PSEN1: variants seen among roughly 807,000 people sequenced by gnomAD.
PSEN1 encodes presenilin-1.
PSEN1 carries 15 observed loss-of-function variants against 53.5 expected under a neutral mutation model. The observed-to-expected ratio is 0.28, with a 90% CI of 0.19 to 0.43. PSEN1 has a LOEUF of 0.43. Ranked by LOEUF, PSEN1 falls within the 20% of genes least tolerant of loss-of-function variation. The pLI is 1.00. For missense variants in PSEN1, 387 were observed against 571.2 expected, an observed-to-expected ratio of 0.68 and a Z score of 3.29; for synonymous variants, 208 against 209.8, an observed-to-expected ratio of 0.99 and a Z score of 0.08.
At chr14:73,138,830 G>A (rs1896827212) in intron 1 of PSEN1, among the ~76,000 whole-genome samples, 1 of 151,202 alleles carries the variant, frequency 6.6e-6, no homozygotes, top group Non-Finnish European at 1.5e-5. Context: ...AGCCGGGCGT[G>A]ATGGCGGGCG....
intron 10 of PSEN1, among the ~76,000 whole-genome samples, chr14:73,215,780 G>T (rs550275535): frequency 6.6e-6 from 1 of 152,180 alleles, no homozygotes; most frequent in African/African-American, 2.4e-5. Flanking sequence ...TGGCTAGAAT[G>T]AAAAAGGCTA....
chr14:73,199,340 A>G (rs1899083382), intron 8 of PSEN1, among the ~76,000 whole-genome samples: 1 of 152,222 alleles, frequency 6.6e-6, no homozygotes, highest in South Asian at 2.1e-4. Flanking sequence ...TTTGTCAACT[A>G]CTGTGTTTAG....
Position 73,186,889 on chromosome 14 carries a change from T to C in PSEN1, c.517T>C (p.Leu173=). Residue 173 remains leucine, a synonymous_variant, in exon 6 of 12, where the codon TTG becomes CTG. Coordinates refer to ENST00000324501, the MANE Select transcript of PSEN1 (RefSeq NM_000021.4). ...CTGGCTTATTATATCATCTCTATTG[T>C]TGCTGTTCTTTTTTTCATTCATTTA... ...HAWLIISSLL[L]LFFFSFIYLG... is the part of the protein sequence containing the mutation. 6.2e-7 allele frequency: 1 copy of C among 1,613,916 alleles called. No homozygotes were observed. The highest frequency in any genetic ancestry group is 8.5e-7 in the Non-Finnish European group (1 of 1,179,784).
chr14:73,212,174 G>A (rs189788376), intron 10 of PSEN1, among the ~76,000 whole-genome samples: 5 of 125,104 alleles, frequency 4.0e-5, no homozygotes, highest in Middle Eastern at 6.2e-3. Context: ...GCAATGGTGC[G>A]ATCTTGGCTC....
At chr14:73,156,177 A>T (rs573808461) in intron 3 of PSEN1, among the ~76,000 whole-genome samples, 54 of 148,256 alleles carry the variant, frequency 3.6e-4, no homozygotes, top group African/African-American at 1.3e-3. Context: ...TCTATGAAAT[A>T]AAAAAAAAAG....
intron 4 of PSEN1, among the ~76,000 whole-genome samples, chr14:73,173,310 C>T (rs1425283731): frequency 6.6e-6 from 1 of 152,020 alleles, no homozygotes; most frequent in Admixed American, 6.6e-5. Flanking sequence ...TATAAAGCAC[C>T]CACTAGATGG....
At chr14:73,145,867 G>A (rs1410171696) in intron 1 of PSEN1, among the ~76,000 whole-genome samples, 3 of 152,060 alleles carry the variant, frequency 2.0e-5, no homozygotes, top group African/African-American at 7.2e-5. Flanking sequence ...AGCACTTTGG[G>A]AGGCTGAGGT....
intron 3 of PSEN1, among the ~76,000 whole-genome samples, chr14:73,157,127 C>T (rs886906462): frequency 8.4e-5 from 12 of 142,422 alleles, no homozygotes; most frequent in South Asian, 2.2e-4. Context: ...AGAAAGATAC[C>T]TTTTTTTTTT....
chr14:73,170,684 C>G, intron 3 of PSEN1, 113 bp from the exon 4 acceptor site: 1 of 1,146,962 alleles, frequency 8.7e-7, no homozygotes, highest in Non-Finnish European at 1.3e-6. Flanking sequence ...TTTTTTCTTG[C>G]TTCAGGTTTT....
rs777923890 is a variant in PSEN1, at chr14:73,173,727, C to A, written c.480+20C>A. On this transcript the variant is annotated intron_variant, in intron 5 of 11. Transcript: ENST00000324501. ...TATAAGGTGAGCATGAGACACAGATCTTTGCTTTCCACCCTGTTCTTCTTA... is the reference window on the plus strand; with the variant it reads ...TATAAGGTGAGCATGAGACACAGATATTTGCTTTCCACCCTGTTCTTCTTA... 3 of 1,613,190 alleles carry A rather than the reference C, an allele frequency of 1.9e-6. No individual in the cohort carries two copies. The highest frequency in any genetic ancestry group is 3.3e-5 in the Admixed American group (2 of 60,024).
intron 1 of PSEN1, among the ~76,000 whole-genome samples, chr14:73,140,305 G>A (rs1225610531): frequency 2.0e-5 from 3 of 146,882 alleles, no homozygotes; most frequent in African/African-American, 7.5e-5. Flanking sequence ...CCGCCTCCCA[G>A]GTTCAAGTGA....
rs199803714 is a variant in PSEN1, at chr14:73,219,271, C to T, written c.1386C>T (p.Phe462=). 40 of 1,613,462 alleles carry T rather than the reference C, an allele frequency of 2.5e-5. No individual in the cohort carries two copies. Among genetic ancestry groups the T allele is most frequent in the Non-Finnish European group, 2.5e-6 (3 of 1,179,602 alleles). The change falls in exon 12 of 12, where the codon TTC becomes TTT. Residue 462 remains phenylalanine, a synonymous_variant. Transcript: ENST00000324501. ...LVQPFMDQLA[F]HQFYI ...AGCCTTTTATGGACCAATTAGCATT[C>T]CATCAATTTTATATCTAGCATATTT... is the stretch of plus-strand genomic sequence containing the variant.
intron 8 of PSEN1, among the ~76,000 whole-genome samples, 175 bp downstream of exon 8, chr14:73,198,304 T>C (rs1416372662): frequency 6.6e-6 from 1 of 152,222 alleles, no homozygotes; most frequent in East Asian, 1.9e-4. Flanking sequence ...TACCTGATGT[T>C]GATTCAAGAG....
chr14:73,219,480 G>T lies in PSEN1; in HGVS notation c.*191G>T, dbSNP rs200521615. The T allele has an allele frequency of 1.6e-6, 1 of 644,198 alleles. No homozygotes were observed. The allele number at this position is 644,198 out of a possible 1,614,324, so 39.9% of individuals were successfully genotyped here. A position where few individuals can be genotyped will look rare whatever the true frequency, so the allele number is the denominator to read the frequency against. Reference sequence around the variant, plus strand: ...TTGGAAGGAGGTGCCTATAGAAAACGATTTTGAACATACTTCATCGCAGTG... The same window carrying T: ...TTGGAAGGAGGTGCCTATAGAAAACTATTTTGAACATACTTCATCGCAGTG... On this transcript the variant is annotated 3_prime_UTR_variant, in exon 12 of 12. Coordinates refer to ENST00000324501, the MANE Select transcript of PSEN1 (RefSeq NM_000021.4).
chr14:73,219,569 C>A lies in PSEN1; in HGVS notation c.*280C>A. 2.3e-6 allele frequency: 1 copy of A among 435,476 alleles called. No individual in the cohort carries two copies. Among genetic ancestry groups the A allele is most frequent in the South Asian group, 2.1e-5 (1 of 46,564 alleles). 27.0% of individuals were successfully genotyped at this position (435,476 alleles called of 1,614,324 possible). A position where few individuals can be genotyped will look rare whatever the true frequency, so the allele number is the denominator to read the frequency against. Reference sequence around the variant, plus strand: ...GACGAGGTCAAGGAGATATGATAGGCCCGGAAGTTGCTGTGCCCCATCAGC... The same window carrying A: ...GACGAGGTCAAGGAGATATGATAGGACCGGAAGTTGCTGTGCCCCATCAGC... On this transcript the variant is annotated 3_prime_UTR_variant, in exon 12 of 12. Coordinates refer to ENST00000324501, the MANE Select transcript of PSEN1 (RefSeq NM_000021.4).
At chr14:73,185,505 G>A (rs915247978) in intron 5 of PSEN1, among the ~76,000 whole-genome samples, 1 of 152,222 alleles carries the variant, frequency 6.6e-6, no homozygotes, top group Non-Finnish European at 1.5e-5. Flanking sequence ...TGAGTCAGGA[G>A]AATCAGGCAG....
chr14:73,172,147 T>C (rs955283036), intron 4 of PSEN1, among the ~76,000 whole-genome samples: 12 of 152,218 alleles, frequency 7.9e-5, no homozygotes, highest in African/African-American at 2.9e-4. Flanking sequence ...GGGGCTATCA[T>C]GTGGGTTCCC....
chr14:73,144,668 A>G (rs150745286), intron 1 of PSEN1, among the ~76,000 whole-genome samples: 1 of 152,194 alleles, frequency 6.6e-6, no homozygotes, highest in African/African-American at 2.4e-5. Context: ...GATAAAGGGA[A>G]TATCATAAAT....
At chr14:73,203,809 A>G (rs751268000) in intron 8 of PSEN1, among the ~76,000 whole-genome samples, 7 of 152,160 alleles carry the variant, frequency 4.6e-5, no homozygotes, top group Non-Finnish European at 7.4e-5. Flanking sequence ...AGATCATTTT[A>G]TCTAAAGCTT....
Sources: gnomAD v4.1 joint callset for allele counts (sites outside exome capture counted in the v4.1 genomes callset) on GRCh38, gnomAD v4.1.1 for gene constraint, MANE v1.5 for transcripts, NCBI Gene and HGNC (gene_info 2026-07-23, HGNC 2026-07-21) for gene names.